MAGI1: variants seen among roughly 807,000 people sequenced by gnomAD.
MAGI1 encodes the protein membrane-associated guanylate kinase, WW and PDZ domain-containing protein 1.
A neutral mutation model predicts 139.9 loss-of-function variants in MAGI1; 58 were observed. That is an observed-to-expected ratio of 0.41 (90% confidence interval 0.34 to 0.52). The LOEUF (loss-of-function observed/expected upper bound fraction) is 0.52, where lower values mean the gene tolerates loss of function less well. Among genes scored for constraint, MAGI1 ranks in the 20% least tolerant of loss-of-function variants. The pLI is 0.12. For missense variants in MAGI1, 1,874 were observed against 1,901.6 expected (o/e 0.99, Z 0.27); for synonymous variants, 812 against 737.9 (o/e 1.10, Z -1.63).
intron 13 of MAGI1, among the ~76,000 whole-genome samples, chr3:65,400,340 A>G (rs1944757208): frequency 6.6e-6 from 1 of 152,108 alleles, no homozygotes; most frequent in African/African-American, 2.4e-5. Flanking sequence ...AAATGCAGGA[A>G]GCTCCCTCTC....
chr3:65,754,598 A>C (rs1051794280), intron 1 of MAGI1, among the ~76,000 whole-genome samples: 3 of 152,202 alleles, frequency 2.0e-5, no homozygotes, highest in African/African-American at 7.2e-5. Flanking sequence ...TGTCTTAAGG[A>C]AAATAGTTTC....
chr3:65,806,284 C>T (rs2040848932), intron 1 of MAGI1, among the ~76,000 whole-genome samples: 1 of 151,930 alleles, frequency 6.6e-6, no homozygotes. Context: ...CAAAAATTAG[C>T]CGGGCATGGT....
intron 1 of MAGI1, among the ~76,000 whole-genome samples, chr3:65,981,195 C>CTAGTCA (rs2065562558): frequency 6.6e-6 from 1 of 151,712 alleles, no homozygotes; most frequent in Non-Finnish European, 1.5e-5. Flanking sequence ...ATTTAATTTC[C>CTAGTCA]TAGTCACACT....
At chr3:65,753,171 A>T (rs779861576) in intron 1 of MAGI1, among the ~76,000 whole-genome samples, 1 of 152,194 alleles carries the variant, frequency 6.6e-6, no homozygotes, top group African/African-American at 2.4e-5. Flanking sequence ...GAAGATCTGT[A>T]TATCCTGAAC....
intron 2 of MAGI1, among the ~76,000 whole-genome samples, chr3:65,505,393 TAAAA>T (rs55921332): frequency 6.2e-5 from 9 of 145,436 alleles, no homozygotes; most frequent in African/African-American, 5.0e-5. Context: ...CTTGCTTAGT[TAAAA>T]AAAAAAAAAA....
At chr3:65,879,670 T>C (rs2060249124) in intron 1 of MAGI1, among the ~76,000 whole-genome samples, 2 of 152,232 alleles carry the variant, frequency 1.3e-5, no homozygotes, top group South Asian at 4.1e-4. Context: ...TTTAGAGTTA[T>C]AAGGTTTGAA....
chr3:65,549,128 A>G (rs377534970), intron 2 of MAGI1, among the ~76,000 whole-genome samples: 5 of 152,084 alleles, frequency 3.3e-5, no homozygotes, highest in Admixed American at 6.5e-5. Flanking sequence ...ATGCTCGCCC[A>G]AGAAACATGG....
chr3:65,680,341 A>T (rs1400562502), intron 1 of MAGI1, among the ~76,000 whole-genome samples: 1 of 152,186 alleles, frequency 6.6e-6, no homozygotes, highest in African/African-American at 2.4e-5. Flanking sequence ...TGAATATGAT[A>T]AGACTATGGT....
chr3:65,458,770 C>T (rs1309951085), intron 5 of MAGI1, among the ~76,000 whole-genome samples: 1 of 152,106 alleles, frequency 6.6e-6, no homozygotes, highest in African/African-American at 2.4e-5. Context: ...TGTCTCCTCA[C>T]TTTGTTTCCT....
intron 1 of MAGI1, among the ~76,000 whole-genome samples, chr3:65,837,130 T>A (rs1274913980): frequency 1.3e-5 from 2 of 151,448 alleles, no homozygotes; most frequent in East Asian, 3.9e-4. Flanking sequence ...AATAAAAAAA[T>A]AAAAAACACA....
chr3:65,994,391 T>G (rs1382197469), intron 1 of MAGI1, among the ~76,000 whole-genome samples: 1 of 152,078 alleles, frequency 6.6e-6, no homozygotes, highest in Non-Finnish European at 1.5e-5. Flanking sequence ...CAAAATACTT[T>G]CAACTTAGAA....
intron 1 of MAGI1, among the ~76,000 whole-genome samples, chr3:65,775,282 C>T (rs924341934): frequency 2.0e-5 from 3 of 150,776 alleles, no homozygotes; most frequent in Non-Finnish European, 4.4e-5. Context: ...CCCATCTCAA[C>T]AAAAAAATAC....
intron 12 of MAGI1, among the ~76,000 whole-genome samples, chr3:65,417,169 C>T (rs981652763): frequency 6.6e-6 from 1 of 152,084 alleles, no homozygotes; most frequent in Non-Finnish European, 1.5e-5. Context: ...TGGGGCCTGT[C>T]GGAGGGCGGC....
At chr3:65,610,884 T>C (rs1180611530) in intron 2 of MAGI1, among the ~76,000 whole-genome samples, 1 of 140,652 alleles carries the variant, frequency 7.1e-6, no homozygotes, top group Non-Finnish European at 1.5e-5. Context: ...GATAGTAATA[T>C]AGTAGATAGT....
At chr3:65,615,090 G>A (rs754968091) in intron 2 of MAGI1, among the ~76,000 whole-genome samples, 1 of 151,906 alleles carries the variant, frequency 6.6e-6, no homozygotes, top group African/African-American at 2.4e-5. Context: ...TAAGTAAGGT[G>A]GAGTATCAAT....
intron 1 of MAGI1, among the ~76,000 whole-genome samples, chr3:65,926,717 G>A (rs529425669): frequency 3.9e-5 from 6 of 152,216 alleles, no homozygotes; most frequent in South Asian, 2.1e-4. Flanking sequence ...AATGGGGGCC[G>A]GGCGTGGTGG....
chr3:65,558,624 G>C (rs964263525), intron 2 of MAGI1, among the ~76,000 whole-genome samples: 1 of 152,164 alleles, frequency 6.6e-6, no homozygotes, highest in African/African-American at 2.4e-5. Context: ...AAACCCATGA[G>C]TTTTAGCCAA....
chr3:65,624,963 C>A (rs938241063), intron 1 of MAGI1, among the ~76,000 whole-genome samples: 3 of 152,124 alleles, frequency 2.0e-5, no homozygotes, highest in African/African-American at 7.2e-5. Flanking sequence ...ACCTCTGCCT[C>A]CCAGACTCAA....
At chr3:65,390,272 C>T (rs1018491283) in intron 14 of MAGI1, among the ~76,000 whole-genome samples, 3 of 152,138 alleles carry the variant, frequency 2.0e-5, no homozygotes, top group Admixed American at 6.5e-5. Flanking sequence ...GACCCTTCAA[C>T]AAACCGAATC....
Sources: gnomAD v4.1 joint callset for allele counts (sites outside exome capture counted in the v4.1 genomes callset) on GRCh38, gnomAD v4.1.1 for gene constraint, MANE v1.5 for transcripts, NCBI Gene and HGNC (gene_info 2026-07-23, HGNC 2026-07-21) for gene names.